RBPMS: variants seen among roughly 807,000 people sequenced by gnomAD.
RBPMS encodes the protein RNA-binding protein with multiple splicing.
A neutral mutation model predicts 26.8 loss-of-function variants in RBPMS; 7 were observed. The observed-to-expected ratio is 0.26, with a 90% confidence interval of 0.15 to 0.49. RBPMS has a LOEUF of 0.49. RBPMS is among the 20% of genes least tolerant of loss of function. The probability of loss-of-function intolerance (pLI) is 0.98; values close to 1 mark genes in which losing one functional copy is unlikely to be tolerated. For synonymous variants in RBPMS, 96 were observed against 93.3 expected, an observed-to-expected ratio of 1.03 and a Z score of -0.17; for missense variants, 186 against 250.0, an observed-to-expected ratio of 0.74 and a Z score of 1.73.
At chr8:30,554,882 C>G (rs1303112622) in intron 6 of RBPMS, among the ~76,000 whole-genome samples, 5 of 152,056 alleles carry the variant, frequency 3.3e-5, no homozygotes, top group Non-Finnish European at 7.4e-5. Context: ...GGGATTCAGC[C>G]CCTAGAAAGG....
intron 5 of RBPMS, among the ~76,000 whole-genome samples, chr8:30,513,536 C>T (rs939383162): frequency 1.4e-5 from 2 of 138,958 alleles, no homozygotes; most frequent in East Asian, 2.2e-4. Flanking sequence ...TGCAGTGAGC[C>T]GAGATTTCAC....
intron 5 of RBPMS, among the ~76,000 whole-genome samples, chr8:30,519,488 TTTTTTTTTTTTTG>T (rs1822798788): frequency 3.9e-5 from 1 of 25,600 alleles, no homozygotes. Flanking sequence ...TTTTTTTTTT[TTTTTTTTTTTTTG>T]GAGACGGAGT....
At chr8:30,423,356 G>T (rs1438040816) in intron 1 of RBPMS, among the ~76,000 whole-genome samples, 1 of 152,166 alleles carries the variant, frequency 6.6e-6, no homozygotes, top group African/African-American at 2.4e-5. Flanking sequence ...GACCTGTCTG[G>T]CAGGGCTTGG....
At chr8:30,547,382 T>A (rs1392628678) in intron 6 of RBPMS, 2 of 1,613,312 alleles carry the variant, frequency 1.2e-6, no homozygotes, top group Admixed American at 3.3e-5. Flanking sequence ...GTTTGTAACA[T>A]ACCAACCTAC....
intron 5 of RBPMS, among the ~76,000 whole-genome samples, chr8:30,515,038 G>C (rs571716603): frequency 6.6e-6 from 1 of 151,958 alleles, no homozygotes; most frequent in East Asian, 1.9e-4. Context: ...GTTGCCAGTG[G>C]TTCGATCATA....
At chr8:30,431,012 A>T (rs532614268) in intron 1 of RBPMS, among the ~76,000 whole-genome samples, 5 of 152,346 alleles carry the variant, frequency 3.3e-5, no homozygotes, top group African/African-American at 1.2e-4. Flanking sequence ...TTTTTAATGT[A>T]TGAAGCGGTT....
At chr8:30,511,471 GAAAAAAAA>G (rs1188894079) in intron 5 of RBPMS, among the ~76,000 whole-genome samples, 2 of 11,210 alleles carry the variant, frequency 1.8e-4, no homozygotes, top group South Asian at 2.6e-3. Flanking sequence ...AACAAAAAAA[GAAAAAAAA>G]AAAAAAAATA....
At chr8:30,533,641 G>T (rs1043010538) in intron 5 of RBPMS, among the ~76,000 whole-genome samples, 6 of 152,130 alleles carry the variant, frequency 3.9e-5, no homozygotes, top group African/African-American at 1.4e-4. Flanking sequence ...ATGTTTAGCA[G>T]CCTTCTTCAT....
chr8:30,465,794 A>G (rs987182097), intron 1 of RBPMS, among the ~76,000 whole-genome samples: 1 of 152,196 alleles, frequency 6.6e-6, no homozygotes, highest in African/African-American at 2.4e-5. Flanking sequence ...GTCTGAAAAG[A>G]AGAAAAAAGT....
chr8:30,538,895 A>G (rs1057048972), intron 5 of RBPMS, among the ~76,000 whole-genome samples: 7 of 152,172 alleles, frequency 4.6e-5, no homozygotes, highest in Admixed American at 3.9e-4. Flanking sequence ...GGGAAATGCC[A>G]TTCACCCTAT....
At chr8:30,416,809 G>A (rs898340802) in intron 1 of RBPMS, among the ~76,000 whole-genome samples, 1 of 151,632 alleles carries the variant, frequency 6.6e-6, no homozygotes, top group Non-Finnish European at 1.5e-5. Flanking sequence ...TCCCTCAGTC[G>A]CCTAGGCTGG....
intron 1 of RBPMS, among the ~76,000 whole-genome samples, chr8:30,466,588 CT>C (rs1031568017): frequency 6.7e-6 from 1 of 148,898 alleles, no homozygotes; most frequent in South Asian, 2.1e-4. Context: ...TTCTTTCTTT[CT>C]TTTTTTTCTT....
chr8:30,444,529 G>A (rs1813506441), intron 1 of RBPMS: 1 of 152,268 alleles, frequency 6.6e-6, no homozygotes, highest in Middle Eastern at 3.4e-3. Context: ...AAATGTTAGT[G>A]CAAAACTGAA....
intron 6 of RBPMS, among the ~76,000 whole-genome samples, chr8:30,549,742 C>CT (rs1554543777): frequency 1.4e-5 from 2 of 143,960 alleles, no homozygotes; most frequent in African/African-American, 5.4e-5. Flanking sequence ...TTCTTTCTTT[C>CT]TTTCTTTCCT....
intron 6 of RBPMS, among the ~76,000 whole-genome samples, chr8:30,548,092 A>G (rs1203019736): frequency 6.6e-6 from 1 of 152,244 alleles, no homozygotes; most frequent in Non-Finnish European, 1.5e-5. Flanking sequence ...TGCAGCAGAC[A>G]TCGGATTGCT....
rs559104841 is a variant in RBPMS at position 30,551,459 on chromosome 8, G to C, written c.528+6835G>C. ...TTCAGGATTGCCAGAACATCTCAAC[G>C]TGGGCCTCCTCCTGACTGGGGGCAC... On this transcript the variant is annotated intron_variant, in intron 6 of 8. Coordinates refer to ENST00000397323, the MANE Select transcript of RBPMS (RefSeq NM_001008710.3). Among the ~76,000 whole-genome samples, 3 of 152,256 alleles carry C rather than the reference G, an allele frequency of 2.0e-5. No individual in the cohort carries two copies. In the South Asian group the frequency reaches 6.2e-4, roughly 32 times the overall value.
chr8:30,510,443 C>T (rs1821465571), intron 5 of RBPMS, among the ~76,000 whole-genome samples: 1 of 151,622 alleles, frequency 6.6e-6, no homozygotes, highest in Non-Finnish European at 1.5e-5. Flanking sequence ...TCACATAGCT[C>T]ATTTTAAGGC....
At chr8:30,478,339 T>G (rs958743487) in intron 3 of RBPMS, among the ~76,000 whole-genome samples, 1 of 152,094 alleles carries the variant, frequency 6.6e-6, no homozygotes, top group Non-Finnish European at 1.5e-5. Flanking sequence ...TACTTTTTTT[T>G]TTAAGCTAAA....
chr8:30,556,069 A>C, intron 6 of RBPMS: 1 of 985,372 alleles, frequency 1.0e-6, no homozygotes, highest in Non-Finnish European at 1.2e-6. Context: ...CTGGAAGAGG[A>C]GGCAGCCGTG....
Sources: gnomAD v4.1 joint callset for allele counts (sites outside exome capture counted in the v4.1 genomes callset) on GRCh38, gnomAD v4.1.1 for gene constraint, MANE v1.5 for transcripts, NCBI Gene and HGNC (gene_info 2026-07-23, HGNC 2026-07-21) for gene names.